The following DHX15 variants were observed in gnomAD, a reference collection of about 807,000 sequenced individuals.
DHX15 encodes the protein DEAH-box helicase 15, also known as ATP-dependent RNA helicase DHX15.
In DHX15, 11 loss-of-function variants were observed where a neutral mutation model predicts 94.4. The ratio of observed to expected loss-of-function variants is 0.12; its 90% confidence interval spans 0.07 to 0.19. The LOEUF (loss-of-function observed/expected upper bound fraction) is 0.19, where lower values mean the gene tolerates loss of function less well. Ranked by LOEUF, DHX15 falls within the 10% of genes least tolerant of loss-of-function variation. The pLI is 1.00. For missense variants in DHX15, 304 were observed against 988.5 expected (o/e 0.31, Z 9.29); for synonymous variants, 338 against 329.9 (o/e 1.02, Z -0.27).
intron 6 of DHX15, among the ~76,000 whole-genome samples, chr4:24,547,879 CTCTCTCTCTCTATG>C (rs762457525): frequency 0.19 from 13,366 of 68,956 alleles, 1,159 homozygotes; most frequent in Middle Eastern, 0.42. Flanking sequence ...CTCTCTCTCT[CTCTCTCTCTCTATG>C]TATGTATGTG....
At chr4:24,530,206 T>C (rs1021257315) in intron 12 of DHX15, 18 of 212,062 alleles carry the variant, frequency 8.5e-5, no homozygotes, top group Non-Finnish European at 1.6e-4. Context: ...ATTTACTATC[T>C]GATCTTTCCT....
rs192654197 is a variant in DHX15, at chr4:24,578,841, G to A, written c.72-2163C>T. ...AGCCTCCCAACGTGCTGGGATTACC[G>A]ATGAGCTACCATGCCCAGCCTAGTT... On this transcript the variant is annotated intron_variant, in intron 1 of 13. Coordinates refer to ENST00000336812, the MANE Select transcript of DHX15 (RefSeq NM_001358.3). 9.9e-5 allele frequency among the ~76,000 whole-genome samples: 15 copies of A among 152,190 alleles called. No individual in the cohort carries two copies. The East Asian group carries it at 2.9e-3, about 29-fold the overall frequency.
intron 12 of DHX15, 81 bp from the exon 13 acceptor site, chr4:24,529,851 G>T: frequency 7.2e-7 from 1 of 1,386,294 alleles, no homozygotes; most frequent in Non-Finnish European, 1.0e-6. Flanking sequence ...TTAGGAAGAG[G>T]CAGGCCTCCC....
At chr4:24,553,017 T>C (rs1479390718) in intron 5 of DHX15, among the ~76,000 whole-genome samples, 4 of 152,310 alleles carry the variant, frequency 2.6e-5, no homozygotes, top group South Asian at 2.1e-4. Context: ...CAATTTTAAA[T>C]AGTGATTTAA....
At chr4:24,532,069 C>T (rs1318190231) in intron 12 of DHX15, among the ~76,000 whole-genome samples, 1 of 152,102 alleles carries the variant, frequency 6.6e-6, no homozygotes, top group African/African-American at 2.4e-5. Context: ...AGAGACTTAT[C>T]CCAAATCAGG....
At chr4:24,584,164 G>C in intron 1 of DHX15, 159 bp downstream of exon 1, 1 of 743,646 alleles carries the variant, frequency 1.3e-6, no homozygotes. Context: ...CGGGCCGAAC[G>C]GGCGCCGCGC....
intron 12 of DHX15, 130 bp from the exon 13 acceptor site, chr4:24,529,900 G>T: frequency 1.1e-6 from 1 of 934,708 alleles, no homozygotes; most frequent in Non-Finnish European, 1.7e-6. Context: ...ATTTATCACT[G>T]TCTGATAAAA....
intron 11 of DHX15, 156 bp from the exon 12 acceptor site, chr4:24,533,210 A>C: frequency 1.5e-6 from 1 of 680,138 alleles, no homozygotes; most frequent in Non-Finnish European, 2.6e-6. Context: ...AATGTTACCA[A>C]CTTTCTCAAA....
At chr4:24,532,452 T>C (rs1368622939) in intron 12 of DHX15, among the ~76,000 whole-genome samples, 1 of 152,230 alleles carries the variant, frequency 6.6e-6, no homozygotes, top group African/African-American at 2.4e-5. Flanking sequence ...AATTGCTTCC[T>C]TTTAGTACTC....
Position 24,584,500 on chromosome 4 carries a change from C to T in DHX15, c.-107G>A, listed in dbSNP as rs957917133. ...TGGAGGACCCCCACCCCTCCCGCTA[C>T]TACAGCCCACACGGTGCGGCCGGAA... On this transcript the variant is annotated 5_prime_UTR_variant, in exon 1 of 14. Coordinates refer to ENST00000336812, the MANE Select transcript of DHX15 (RefSeq NM_001358.3). The T allele has an allele frequency of 4.5e-6, 5 of 1,100,426 alleles. No individual in the cohort carries two copies. Among genetic ancestry groups the T allele is most frequent in the Admixed American group, 2.6e-5 (1 of 39,214 alleles). 68.2% of individuals were successfully genotyped at this position (1,100,426 alleles called of 1,614,324 possible). A position where few individuals can be genotyped will look rare whatever the true frequency, so the allele number is the denominator to read the frequency against.
Position 24,527,879 on chromosome 4 carries a change from C to T in DHX15, c.*45G>A. 1.4e-6 allele frequency: 2 copies of T among 1,423,024 alleles called. No individual in the cohort carries two copies. The highest frequency in any genetic ancestry group is 2.0e-6 in the Non-Finnish European group (2 of 1,009,004). 88.1% of individuals were successfully genotyped at this position (1,423,024 alleles called of 1,614,324 possible). Reference sequence around the variant, plus strand: ...AACTCGAACTTTTGAGTTCATTCATCTTTTAAAGCTGTCCTCTCAATAACT... The same window carrying T: ...AACTCGAACTTTTGAGTTCATTCATTTTTTAAAGCTGTCCTCTCAATAACT... On this transcript the variant is annotated 3_prime_UTR_variant, in exon 14 of 14. Transcript: ENST00000336812.
At position 24,576,644 on chromosome 4, in the gene DHX15, G is replaced by T; in HGVS notation, c.106C>A (p.Arg36=). The part of the protein sequence containing the change: ...DRDRDRDRED[R]SKDRDRERDR... ...CGTTCTCGGTCTCGATCTTTAGACC[G>T]ATCTTCACGATCCCGGTCTCGATCT... The change falls in exon 2 of 14, where the codon CGG becomes AGG. Residue 36 remains arginine, a synonymous_variant. Coordinates refer to ENST00000336812, the MANE Select transcript of DHX15 (RefSeq NM_001358.3). 1.2e-6 allele frequency: 2 copies of T among 1,613,330 alleles called. No individual in the cohort carries two copies. Among genetic ancestry groups the T allele is most frequent in the Non-Finnish European group, 1.7e-6 (2 of 1,179,468 alleles).
intron 2 of DHX15, among the ~76,000 whole-genome samples, chr4:24,573,175 T>C (rs11727461): frequency 0.23 from 34,840 of 152,196 alleles, 5,120 homozygotes; most frequent in Non-Finnish European, 0.33. Context: ...CATCCCAAAG[T>C]GCCAGGATTA....
chr4:24,567,134 C>G (rs755272600), intron 3 of DHX15, among the ~76,000 whole-genome samples: 3 of 152,140 alleles, frequency 2.0e-5, no homozygotes, highest in African/African-American at 7.2e-5. Flanking sequence ...AAAAAGGAAG[C>G]ATATCACCTA....
chr4:24,540,700 C>T (rs888494825), intron 9 of DHX15, 140 bp downstream of exon 9: 34 of 500,624 alleles, frequency 6.8e-5, no homozygotes, highest in Non-Finnish European at 2.5e-5. Flanking sequence ...TTAATGCTAT[C>T]ATGTAAGACT....
At chr4:24,570,321 CTAAG>C (rs1319773139) in intron 3 of DHX15, among the ~76,000 whole-genome samples, 7 of 152,066 alleles carry the variant, frequency 4.6e-5, no homozygotes, top group African/African-American at 1.2e-4. Context: ...TTATCTTTTA[CTAAG>C]TAAGACATAT....
intron 3 of DHX15, among the ~76,000 whole-genome samples, chr4:24,569,148 A>T (rs966165478): frequency 2.0e-5 from 3 of 152,242 alleles, no homozygotes; most frequent in Non-Finnish European, 2.9e-5. Context: ...TCTCAGAGAT[A>T]CACACTGAAA....
chr4:24,584,063 A>G, intron 1 of DHX15: 1 of 498,134 alleles, frequency 2.0e-6, no homozygotes, highest in Non-Finnish European at 3.5e-6. Context: ...GGCCTGGGGG[A>G]GGAGGCGCCC....
At chr4:24,575,037 A>G (rs772126433) in intron 2 of DHX15, among the ~76,000 whole-genome samples, 2 of 152,054 alleles carry the variant, frequency 1.3e-5, no homozygotes, top group African/African-American at 2.4e-5. Flanking sequence ...TATGCCTGTG[A>G]TCCCAGCTAC....
Sources: gnomAD v4.1 joint callset for allele counts (sites outside exome capture counted in the v4.1 genomes callset) on GRCh38, gnomAD v4.1.1 for gene constraint, MANE v1.5 for transcripts, NCBI Gene and HGNC (gene_info 2026-07-23, HGNC 2026-07-21) for gene names.